The following PDCD1LG2 variants were observed in gnomAD, a reference collection of about 807,000 sequenced individuals.
PDCD1LG2 encodes the protein programmed cell death 1 ligand 2.
A neutral mutation model predicts 28.2 loss-of-function variants in PDCD1LG2; 32 were observed. That is an observed-to-expected ratio of 1.13 (90% CI 0.86 to 1.52). PDCD1LG2 has a LOEUF of 1.52. PDCD1LG2 is among the 40% of genes most tolerant of loss of function. The pLI, the probability that PDCD1LG2 is intolerant of heterozygous loss-of-function variation, is 0.00. For missense variants in PDCD1LG2, 385 were observed against 323.8 expected, an observed-to-expected ratio of 1.19 and a Z score of -1.45; for synonymous variants, 116 against 120.2, an observed-to-expected ratio of 0.97 and a Z score of 0.23.
chr9:5,517,307 C>G (rs1820186401), intron 1 of PDCD1LG2, among the ~76,000 whole-genome samples: 1 of 152,334 alleles, frequency 6.6e-6, no homozygotes, highest in South Asian at 2.1e-4. Flanking sequence ...GGGATTGGAT[C>G]TGCGGAAGAG....
intron 2 of PDCD1LG2, among the ~76,000 whole-genome samples, chr9:5,525,784 C>A (rs1426672175): frequency 6.6e-6 from 1 of 152,054 alleles, no homozygotes; most frequent in South Asian, 2.1e-4. Flanking sequence ...CATGGTGGCT[C>A]ACGCCTGTAA....
chr9:5,549,527 C>A lies in PDCD1LG2; in HGVS notation c.554C>A (p.Pro185His), dbSNP rs774533109. The change falls in exon 4 of 7, where the codon CCC becomes CAC. Residue 185 changes from proline (P) to histidine (H), a missense_variant. Coordinates refer to ENST00000397747, the MANE Select transcript of PDCD1LG2 (RefSeq NM_025239.4). ...ACCAGTGTTCTGCGCCTAAAGCCAC[C>A]CCCTGGCAGAAACTTCAGCTGTGTG... is the stretch of plus-strand genomic sequence containing the variant. ...QVTSVLRLKP[P>H]PGRNFSCVFW... 2 of 1,614,176 alleles carry A rather than the reference C, an allele frequency of 1.2e-6. No individual in the cohort carries two copies. Among genetic ancestry groups the A allele is most frequent in the Non-Finnish European group, 1.7e-6 (2 of 1,180,026 alleles).
At position 5,570,503 on chromosome 9, in the gene PDCD1LG2, T is replaced by A; in HGVS notation, c.*544T>A. On this transcript the variant is annotated 3_prime_UTR_variant, in exon 7 of 7. Coordinates refer to ENST00000397747, the MANE Select transcript of PDCD1LG2 (RefSeq NM_025239.4). Reference sequence around the variant, plus strand: ...GATTACTGGAATCTTGATAGCATAATGAAGTTGTTCTAATTAACAGAGAGC... The same window carrying A: ...GATTACTGGAATCTTGATAGCATAAAGAAGTTGTTCTAATTAACAGAGAGC... 1 of 233,710 alleles carries A rather than the reference T, an allele frequency of 4.3e-6. No homozygotes were observed. The highest frequency in any genetic ancestry group is 6.0e-5 in the East Asian group (1 of 16,538). 14.5% of individuals were successfully genotyped at this position (233,710 alleles called of 1,614,324 possible).
intron 6 of PDCD1LG2, among the ~76,000 whole-genome samples, chr9:5,564,589 A>G (rs1816627055): frequency 6.6e-6 from 1 of 152,248 alleles, no homozygotes; most frequent in South Asian, 2.1e-4. Flanking sequence ...TTAAAGAGGC[A>G]CCAGCATACC....
At chr9:5,562,525 T>A (rs945281774) in intron 5 of PDCD1LG2, among the ~76,000 whole-genome samples, 3 of 152,182 alleles carry the variant, frequency 2.0e-5, no homozygotes, top group Non-Finnish European at 4.4e-5. Context: ...ATAAAAAAGC[T>A]GCATATTGAG....
chr9:5,519,631 T>G (rs1393062412), intron 1 of PDCD1LG2, among the ~76,000 whole-genome samples: 1 of 152,206 alleles, frequency 6.6e-6, no homozygotes, highest in Non-Finnish European at 1.5e-5. Flanking sequence ...TATCCATGAC[T>G]TTAAATCTTT....
At chr9:5,544,097 T>C (rs1168509257) in intron 3 of PDCD1LG2, among the ~76,000 whole-genome samples, 1 of 152,228 alleles carries the variant, frequency 6.6e-6, no homozygotes, top group East Asian at 1.9e-4. Context: ...CATCTTTATT[T>C]CAGAAATTAC....
In PDCD1LG2 at chr9:5,522,516, T is replaced by C; in HGVS notation, c.-14-17T>C. On this transcript the variant is annotated splice_polypyrimidine_tract_variant and intron_variant, in intron 1 of 6. Transcript: ENST00000397747. ...AAAGTTTCACAAGGCCCTGAGACTT[T>C]CAATTGTCTATTTCAGATCAAATAC... 1 of 1,604,280 alleles carries C rather than the reference T, an allele frequency of 6.2e-7. No homozygotes were observed. The highest frequency in any genetic ancestry group is 1.1e-5 in the South Asian group (1 of 89,696).
At chr9:5,538,568 G>A (rs750095386) in intron 3 of PDCD1LG2, among the ~76,000 whole-genome samples, 23 of 152,066 alleles carry the variant, frequency 1.5e-4, no homozygotes, top group Non-Finnish European at 2.4e-4. Context: ...GGCGCCTGTA[G>A]TCCCAGCTAC....
At chr9:5,536,380 T>C (rs1276531634) in intron 3 of PDCD1LG2, among the ~76,000 whole-genome samples, 1 of 152,176 alleles carries the variant, frequency 6.6e-6, no homozygotes, top group African/African-American at 2.4e-5. Flanking sequence ...TCCTCACACC[T>C]CAACCATCAA....
chr9:5,523,182 T>C (rs1820309653), intron 2 of PDCD1LG2, among the ~76,000 whole-genome samples: 1 of 152,184 alleles, frequency 6.6e-6, no homozygotes, highest in East Asian at 1.9e-4. Flanking sequence ...AAGAAAGGAC[T>C]TCTATTGGAG....
intron 5 of PDCD1LG2, among the ~76,000 whole-genome samples, chr9:5,560,172 C>T (rs887024269): frequency 2.0e-5 from 3 of 152,218 alleles, no homozygotes; most frequent in Non-Finnish European, 2.9e-5. Flanking sequence ...GTTTTAATAG[C>T]TTGGACTACC....
rs1816724060 is a variant in PDCD1LG2, at chr9:5,569,198, A to G, written c.817-756A>G. Reference sequence around the variant, plus strand: ...TAGATCCTAGCAGGAAATGGAGGGTATGCTTAGAAGAGGTAACTGAGGCAA... The same window carrying G: ...TAGATCCTAGCAGGAAATGGAGGGTGTGCTTAGAAGAGGTAACTGAGGCAA... On this transcript the variant is annotated intron_variant, in intron 6 of 6. Transcript: ENST00000397747. This position sits in a 1 kb window ranked among gnomAD's most constrained non-coding sequence, Gnocchi z 4.1. 6.6e-6 allele frequency among the ~76,000 whole-genome samples: 1 copy of G among 152,214 alleles called. No homozygotes were observed. Among genetic ancestry groups the G allele is most frequent in the African/African-American group, 2.4e-5 (1 of 41,458 alleles).
rs536809474 is a variant in PDCD1LG2, at chr9:5,557,803, G to A, written c.766+51G>A. 4.5e-5 allele frequency: 72 copies of A among 1,603,438 alleles called. 2 individuals are homozygous for A. The South Asian group carries it at 7.7e-4, about 17-fold the overall frequency. ...CCAATGCACTGGGTGTCTGCAGCAT[G>A]AGCCACTGCTTTGCACTGCAGGCCT... On this transcript the variant is annotated intron_variant, in intron 5 of 6. Transcript: ENST00000397747.
rs541571946 is a variant in PDCD1LG2, at chr9:5,550,762, C to T, written c.631+1158C>T. ...AGGCTGGAATGCAGTGGCACGATCC[C>T]GGCTCACTGCAACCCCTGCCTCCCG... is the stretch of plus-strand genomic sequence containing the variant. On this transcript the variant is annotated intron_variant, in intron 4 of 6. Coordinates refer to ENST00000397747, the MANE Select transcript of PDCD1LG2 (RefSeq NM_025239.4). Among the ~76,000 whole-genome samples the T allele has an allele frequency of 1.1e-3, 163 of 152,142 alleles. No homozygotes were observed. In the South Asian group the frequency reaches 0.02, roughly 19 times the overall value.
chr9:5,536,443 G>A (rs892701938), intron 3 of PDCD1LG2, among the ~76,000 whole-genome samples: 2 of 152,142 alleles, frequency 1.3e-5, no homozygotes, highest in Non-Finnish European at 2.9e-5. Context: ...TATCTTTATT[G>A]CATTTCCTAC....
chr9:5,544,222 G>A (rs758791595), intron 3 of PDCD1LG2, among the ~76,000 whole-genome samples: 1 of 152,182 alleles, frequency 6.6e-6, no homozygotes, highest in East Asian at 1.9e-4. Flanking sequence ...GAGGGAGACT[G>A]AGAAGCCAAA....
chr9:5,540,711 T>G (rs902062138), intron 3 of PDCD1LG2, among the ~76,000 whole-genome samples: 1 of 152,094 alleles, frequency 6.6e-6, no homozygotes, highest in African/African-American at 2.4e-5. Context: ...CAAGATTGAA[T>G]GGTAACTTTT....
chr9:5,570,075 G>A lies in PDCD1LG2; in HGVS notation c.*116G>A, dbSNP rs1816742705. On this transcript the variant is annotated 3_prime_UTR_variant, in exon 7 of 7. Transcript: ENST00000397747. ...CCATTTGCACTTTTCAAATGCCTTT[G>A]GATGACCCAGCACTTTAATCTGAAA... is the stretch of plus-strand genomic sequence containing the variant. The A allele has an allele frequency of 7.7e-7, 1 of 1,292,628 alleles. No individual in the cohort carries two copies. Among genetic ancestry groups the A allele is most frequent in the African/African-American group, 1.5e-5 (1 of 67,538 alleles). The allele number at this position is 1,292,628 out of a possible 1,614,324, so 80.1% of individuals were successfully genotyped here. A position where few individuals can be genotyped will look rare whatever the true frequency, so the allele number is the denominator to read the frequency against.
Sources: gnomAD v4.1 joint callset for allele counts (sites outside exome capture counted in the v4.1 genomes callset) on GRCh38, gnomAD v4.1.1 for gene constraint, Gnocchi (gnomAD v3.1) non-coding constraint, MANE v1.5 for transcripts, NCBI Gene and HGNC (gene_info 2026-07-23, HGNC 2026-07-21) for gene names.